Variants in SEMA3A observed in about 807,000 individuals in gnomAD.
SEMA3A encodes the protein semaphorin-3A.
SEMA3A carries 29 observed loss-of-function variants against 97.9 expected under a neutral mutation model. The ratio of observed to expected loss-of-function variants is 0.30; its 90% confidence interval spans 0.22 to 0.40. SEMA3A has a LOEUF of 0.40. Among genes scored for constraint, SEMA3A ranks in the 10% least tolerant of loss-of-function variants. The probability of loss-of-function intolerance (pLI) is 1.00; values close to 1 mark genes in which losing one functional copy is unlikely to be tolerated. For missense variants in SEMA3A, 763 were observed against 951.3 expected (o/e 0.80, Z 2.60); for synonymous variants, 321 against 323.7 (o/e 0.99, Z 0.09).
At chr7:84,127,069 T>C (rs1333918623) in intron 3 of SEMA3A, among the ~76,000 whole-genome samples, 1 of 152,102 alleles carries the variant, frequency 6.6e-6, no homozygotes, top group East Asian at 1.9e-4. Flanking sequence ...TGCTCTACTA[T>C]GAAGGTGTAA....
At chr7:84,054,475 CT>C (rs1208210587) in intron 5 of SEMA3A, among the ~76,000 whole-genome samples, 5 of 152,160 alleles carry the variant, frequency 3.3e-5, no homozygotes, top group African/African-American at 1.2e-4. Flanking sequence ...CGCTGATACC[CT>C]TTCTTCCAGT....
intron 15 of SEMA3A, among the ~76,000 whole-genome samples, chr7:83,971,430 CAAA>C (rs58083024): frequency 8.0e-4 from 106 of 132,760 alleles, no homozygotes; most frequent in African/African-American, 1.2e-3. Context: ...GAAACTCCAT[CAAA>C]AAAAAAAAAA....
chr7:84,186,776 C>T (rs1368734113), intron 1 of SEMA3A, among the ~76,000 whole-genome samples: 1 of 151,840 alleles, frequency 6.6e-6, no homozygotes, highest in South Asian at 2.1e-4. Flanking sequence ...AAAGAATTTT[C>T]CAACGAACAT....
At chr7:84,121,527 C>CG (rs1309459559) in intron 3 of SEMA3A, among the ~76,000 whole-genome samples, 2 of 150,822 alleles carry the variant, frequency 1.3e-5, no homozygotes, top group African/African-American at 4.9e-5. Context: ...CATGTCCCTA[C>CG]AAAGGACATG....
intron 3 of SEMA3A, among the ~76,000 whole-genome samples, chr7:84,288,391 AT>A (rs1434543257): frequency 6.6e-6 from 1 of 152,228 alleles, no homozygotes; most frequent in Non-Finnish European, 1.5e-5. Context: ...GACATAAGAT[AT>A]TTAATCTAAT....
chr7:84,219,056 T>G (rs1798815630), intron 3 of SEMA3A, among the ~76,000 whole-genome samples: 2 of 152,100 alleles, frequency 1.3e-5, no homozygotes, highest in Admixed American at 1.3e-4. Context: ...CTCTACATAA[T>G]CCTTTCCCTC....
chr7:84,465,461 T>C (rs1214993805), intron 1 of SEMA3A, among the ~76,000 whole-genome samples: 1 of 152,084 alleles, frequency 6.6e-6, no homozygotes, highest in Non-Finnish European at 1.5e-5. Flanking sequence ...TCTTTTCTGA[T>C]TTTTTGTATT....
At chr7:84,243,004 G>A (rs996796863) in intron 3 of SEMA3A, among the ~76,000 whole-genome samples, 2 of 152,090 alleles carry the variant, frequency 1.3e-5, no homozygotes, top group South Asian at 2.1e-4. Context: ...GGATGAAGCC[G>A]ACTTGATGTG....
intron 3 of SEMA3A, among the ~76,000 whole-genome samples, chr7:84,258,908 T>A (rs1799779014): frequency 6.6e-6 from 1 of 151,792 alleles, no homozygotes; most frequent in African/African-American, 2.4e-5. Flanking sequence ...AGGGATGATT[T>A]TTTTTTTTTT....
chr7:84,075,842 T>C (rs1793928369), intron 4 of SEMA3A, among the ~76,000 whole-genome samples: 1 of 152,174 alleles, frequency 6.6e-6, no homozygotes, highest in Non-Finnish European at 1.5e-5. Flanking sequence ...CCAGGCATTA[T>C]ATGGCTTTTC....
chr7:84,272,993 A>C (rs1317074783), intron 3 of SEMA3A, among the ~76,000 whole-genome samples: 5 of 152,134 alleles, frequency 3.3e-5, no homozygotes, highest in Non-Finnish European at 5.9e-5. Context: ...TGCTTAAAAT[A>C]AATATAGATT....
chr7:84,016,972 A>T (rs746643603), intron 6 of SEMA3A, among the ~76,000 whole-genome samples: 1 of 152,204 alleles, frequency 6.6e-6, no homozygotes, highest in Admixed American at 6.5e-5. Context: ...GTAGTTGTTC[A>T]TACAAACACT....
chr7:84,439,747 A>G (rs1453762566), intron 1 of SEMA3A, among the ~76,000 whole-genome samples: 1 of 152,226 alleles, frequency 6.6e-6, no homozygotes, highest in Non-Finnish European at 1.5e-5. Flanking sequence ...ATGATAGTAC[A>G]TATATAGTAC....
chr7:84,013,680 C>G (rs1386787775), intron 7 of SEMA3A, among the ~76,000 whole-genome samples: 1 of 152,058 alleles, frequency 6.6e-6, no homozygotes, highest in East Asian at 1.9e-4. Flanking sequence ...AACCCCGTCT[C>G]TACTAAAAAT....
At chr7:84,283,714 G>A (rs554934459) in intron 3 of SEMA3A, among the ~76,000 whole-genome samples, 2 of 152,000 alleles carry the variant, frequency 1.3e-5, no homozygotes, top group South Asian at 4.1e-4. Context: ...AAAATAATAA[G>A]AGACTTGGAA....
chr7:84,272,698 C>T (rs1247095672), intron 3 of SEMA3A, among the ~76,000 whole-genome samples: 1 of 152,074 alleles, frequency 6.6e-6, no homozygotes, highest in Non-Finnish European at 1.5e-5. Context: ...TCCCACACTT[C>T]CACCAAGTTA....
In SEMA3A at chr7:84,344,586, A is replaced by G. The variant is rs79568464; in HGVS notation, c.-169+27238T>C. Among the ~76,000 whole-genome samples the G allele has an allele frequency of 0.014, 2,206 of 152,280 alleles. 93 individuals are homozygous for G. The East Asian group carries it at 0.15, about 10-fold the overall frequency. ...ACAGAGATGCACTTTTGTTGGTTAG[A>G]GTCACGGAAAAGAGAGAGATACACA... On this transcript the variant is annotated intron_variant, in intron 2 of 3. Coordinates refer to the SEMA3A transcript ENST00000424555.
chr7:84,340,707 G>C (rs970704650), intron 2 of SEMA3A, among the ~76,000 whole-genome samples: 2 of 148,396 alleles, frequency 1.3e-5, no homozygotes, highest in African/African-American at 5.0e-5. Context: ...TTGAACCCAG[G>C]AGGCAGAGGT....
chr7:84,131,503 C>T (rs1332514938), intron 2 of SEMA3A, among the ~76,000 whole-genome samples: 1 of 152,134 alleles, frequency 6.6e-6, no homozygotes, highest in Non-Finnish European at 1.5e-5. Flanking sequence ...AGATTGTACC[C>T]TTTTATCAAA....
Sources: gnomAD v4.1 joint callset for allele counts (sites outside exome capture counted in the v4.1 genomes callset) on GRCh38, gnomAD v4.1.1 for gene constraint, MANE v1.5 for transcripts, NCBI Gene and HGNC (gene_info 2026-07-23, HGNC 2026-07-21) for gene names.